KCNJ5: variants seen among roughly 807,000 people sequenced by gnomAD.
KCNJ5 encodes potassium inwardly rectifying channel subfamily J member 5, also known as G protein-activated inward rectifier potassium channel 4.
In KCNJ5, 12 loss-of-function variants were observed where a neutral mutation model predicts 20.2. The observed-to-expected ratio is 0.59, with a 90% CI of 0.38 to 0.96. The LOEUF (loss-of-function observed/expected upper bound fraction) is 0.96. Among genes scored for constraint, KCNJ5 ranks in the 40% least tolerant of loss-of-function variants. The pLI is 0.00. For synonymous variants in KCNJ5, 210 were observed against 213.9 expected (o/e 0.98, Z 0.16); for missense variants, 449 against 557.6 (o/e 0.81, Z 1.96).
At chr11:128,915,949 AGAT>A (rs1944571007) in intron 2 of KCNJ5, among the ~76,000 whole-genome samples, 1 of 149,388 alleles carries the variant, frequency 6.7e-6, no homozygotes, top group South Asian at 2.1e-4. Flanking sequence ...GTGGATAGAT[AGAT>A]GATGAATGAT....
chr11:128,894,367 G>A (rs891517379), intron 1 of KCNJ5, among the ~76,000 whole-genome samples: 2 of 152,152 alleles, frequency 1.3e-5, no homozygotes, highest in Admixed American at 6.5e-5. Flanking sequence ...GGCTGGAGGT[G>A]GAAGGATGGT....
intron 1 of KCNJ5, among the ~76,000 whole-genome samples, chr11:128,892,459 C>T (rs968213505): frequency 4.6e-5 from 7 of 152,158 alleles, no homozygotes; most frequent in African/African-American, 1.7e-4. Context: ...AGGTCCGGCC[C>T]CCAAAGTTCT....
intron 1 of KCNJ5, among the ~76,000 whole-genome samples, chr11:128,907,809 A>G (rs1944444959): frequency 6.6e-6 from 1 of 152,266 alleles, no homozygotes; most frequent in Non-Finnish European, 1.5e-5. Context: ...AGGAAATGCT[A>G]GAATATCAAC....
intron 1 of KCNJ5, among the ~76,000 whole-genome samples, chr11:128,894,827 C>G (rs1244758910): frequency 1.3e-5 from 2 of 152,228 alleles, no homozygotes; most frequent in African/African-American, 2.4e-5. Flanking sequence ...GATAAGGGAG[C>G]TATTCTAGTC....
chr11:128,891,421 CACACACACACACACACACACAG>C lies in KCNJ5; in HGVS notation c.-309_-288del, dbSNP rs1461777133. On this transcript the variant is annotated 5_prime_UTR_variant, in exon 1 of 3. Coordinates refer to ENST00000529694, the MANE Select transcript of KCNJ5 (RefSeq NM_000890.5). ...GGACACACACACACACACACACACA[CACACACACACACACACACACAG>C]AGAGAGAGAGAGAGAGAGAGAGAGA... The C allele has an allele frequency of 3.6e-5, 4 of 111,558 alleles. No individual in the cohort carries two copies. The highest frequency in any genetic ancestry group is 6.4e-4 in the South Asian group (2 of 3,124). 6.9% of individuals were successfully genotyped at this position (111,558 alleles called of 1,614,324 possible).
rs1944646406 is a variant in KCNJ5, at chr11:128,920,128, C to T, written c.*3397C>T. 6.6e-6 allele frequency: 1 copy of T among 152,232 alleles called. No individual in the cohort carries two copies. Among genetic ancestry groups the T allele is most frequent in the Non-Finnish European group, 1.5e-5 (1 of 68,058 alleles). 9.4% of individuals were successfully genotyped at this position (152,232 alleles called of 1,614,324 possible). A position where few individuals can be genotyped will look rare whatever the true frequency, so the allele number is the denominator to read the frequency against. ...CAGGAACTCAGAATAGAACTCGTTC[C>T]CACTCATTTTCCTTGCTCCACCAAT... On this transcript the variant is annotated 3_prime_UTR_variant, in exon 3 of 3. Transcript: ENST00000529694.
chr11:128,894,121 C>T (rs1485754764), intron 1 of KCNJ5, among the ~76,000 whole-genome samples: 6 of 151,990 alleles, frequency 3.9e-5, no homozygotes, highest in African/African-American at 1.5e-4. Context: ...CTGCGGTGGG[C>T]GAAGCCACAA....
intron 1 of KCNJ5, chr11:128,904,327 T>C: frequency 2.0e-6 from 3 of 1,503,020 alleles, no homozygotes; most frequent in Non-Finnish European, 2.7e-6. Flanking sequence ...CCCTGGCCTC[T>C]CTCTCACTCT....
chr11:128,913,494 A>G (rs1944531859), intron 2 of KCNJ5, among the ~76,000 whole-genome samples: 1 of 152,040 alleles, frequency 6.6e-6, no homozygotes, highest in African/African-American at 2.4e-5. Flanking sequence ...ACTCTGGCAG[A>G]GGACCCTAGT....
chr11:128,907,461 T>G (rs1255544961), intron 1 of KCNJ5, among the ~76,000 whole-genome samples: 1 of 152,250 alleles, frequency 6.6e-6, no homozygotes, highest in Non-Finnish European at 1.5e-5. Flanking sequence ...CACTAACGCA[T>G]CATCTGAAAT....
chr11:128,901,002 G>A (rs943586535), intron 1 of KCNJ5: 3 of 152,214 alleles, frequency 2.0e-5, no homozygotes, highest in African/African-American at 7.2e-5. Context: ...TGGCAGAGAT[G>A]TCATGAACAT....
At chr11:128,903,407 G>C in intron 1 of KCNJ5, 1 of 1,614,048 alleles carries the variant, frequency 6.2e-7, no homozygotes, top group Non-Finnish European at 8.5e-7. Flanking sequence ...GCAGAGCTCA[G>C]CACAGACTCA....
intron 1 of KCNJ5, among the ~76,000 whole-genome samples, chr11:128,896,698 T>C (rs1054892690): frequency 8.6e-5 from 13 of 151,896 alleles, no homozygotes; most frequent in Non-Finnish European, 1.5e-4. Flanking sequence ...GAAGGTACCA[T>C]TGCTTGTTTA....
At chr11:128,904,299 G>T in intron 1 of KCNJ5, 1 of 1,370,396 alleles carries the variant, frequency 7.3e-7, no homozygotes, top group Non-Finnish European at 9.9e-7. Flanking sequence ...CCCCAGACAA[G>T]CCAAATTCAG....
At chr11:128,892,583 C>T (rs1435784108) in intron 1 of KCNJ5, among the ~76,000 whole-genome samples, 10 of 152,188 alleles carry the variant, frequency 6.6e-5, no homozygotes, top group African/African-American at 2.4e-4. Flanking sequence ...TACTCTGTTT[C>T]AATCCTTTTA....
intron 1 of KCNJ5, among the ~76,000 whole-genome samples, chr11:128,899,279 T>C (rs1280874798): frequency 6.6e-6 from 1 of 152,238 alleles, no homozygotes; most frequent in Admixed American, 6.5e-5. Flanking sequence ...AATGAGTTTA[T>C]ACATGTAAAG....
intron 1 of KCNJ5, among the ~76,000 whole-genome samples, chr11:128,892,382 C>T (rs1944108030): frequency 6.6e-6 from 1 of 152,130 alleles, no homozygotes; most frequent in Admixed American, 6.5e-5. Flanking sequence ...GAGCTGTTGG[C>T]CCCCTGGTTT....
At chr11:128,908,539 C>G (rs1282937926) in intron 1 of KCNJ5, among the ~76,000 whole-genome samples, 1 of 152,176 alleles carries the variant, frequency 6.6e-6, no homozygotes, top group Non-Finnish European at 1.5e-5. Flanking sequence ...CTGCCAGACG[C>G]AAAAAGTTTT....
chr11:128,899,292 T>A (rs964201288), intron 1 of KCNJ5, among the ~76,000 whole-genome samples: 5 of 152,212 alleles, frequency 3.3e-5, no homozygotes, highest in Non-Finnish European at 7.3e-5. Flanking sequence ...ATGTAAAGCA[T>A]TTGGAATAAA....
Sources: gnomAD v4.1 joint callset for allele counts (sites outside exome capture counted in the v4.1 genomes callset) on GRCh38, gnomAD v4.1.1 for gene constraint, MANE v1.5 for transcripts, NCBI Gene and HGNC (gene_info 2026-07-23, HGNC 2026-07-21) for gene names.